The following ERICH3 variants were observed in gnomAD, a reference collection of about 807,000 sequenced individuals.
The protein encoded by ERICH3 is glutamate rich 3.
A neutral mutation model predicts 131.1 loss-of-function variants in ERICH3; 126 were observed. That is an observed-to-expected ratio of 0.96 (90% CI 0.83 to 1.11). ERICH3 has a LOEUF of 1.11. Ranked by LOEUF, ERICH3 falls within the 50% of genes most tolerant of loss-of-function variation. The pLI is 0.00. For synonymous variants in ERICH3, 695 were observed against 644.6 expected (o/e 1.08, Z -1.18); for missense variants, 2,050 against 1,810.7 (o/e 1.13, Z -2.40).
chr1:74,609,388 T>C (rs1306549013), intron 9 of ERICH3, among the ~76,000 whole-genome samples: 2 of 152,098 alleles, frequency 1.3e-5, no homozygotes, highest in African/African-American at 4.8e-5. Flanking sequence ...TAAAATTAAT[T>C]TCATTTTGAA....
chr1:74,583,412 ATAAC>A (rs1480698171), intron 12 of ERICH3, among the ~76,000 whole-genome samples: 3 of 152,178 alleles, frequency 2.0e-5, no homozygotes, highest in African/African-American at 7.2e-5. Flanking sequence ...ATTAACAACA[ATAAC>A]TAATAATAAA....
At chr1:74,584,723 ATCTC>A (rs1363312562) in intron 12 of ERICH3, among the ~76,000 whole-genome samples, 1 of 152,174 alleles carries the variant, frequency 6.6e-6, no homozygotes, top group African/African-American at 2.4e-5. Context: ...TGGCAGGCAT[ATCTC>A]TCTCCTAGAA....
Position 74,568,968 on chromosome 1 carries a change from T to G in ERICH3, c.*1490A>C, listed in dbSNP as rs1316229276. 6.6e-6 allele frequency: 1 copy of G among 152,182 alleles called. No homozygotes were observed. The highest frequency in any genetic ancestry group is 2.4e-5 in the African/African-American group (1 of 41,424). The allele number at this position is 152,182 out of a possible 1,614,324, so 9.4% of individuals were successfully genotyped here. A position where few individuals can be genotyped will look rare whatever the true frequency, so the allele number is the denominator to read the frequency against. On this transcript the variant is annotated 3_prime_UTR_variant, in exon 15 of 15. Transcript: ENST00000326665. ...GAACAATTTCCAGGTGATGCTGATG[T>G]GCTGATGCTTCTGATCAAGGGACCA...
At chr1:74,643,236 C>T (rs1646451912) in intron 3 of ERICH3, 138 bp from the exon 4 acceptor site, 2 of 611,874 alleles carry the variant, frequency 3.3e-6, no homozygotes, top group Non-Finnish European at 5.6e-6. Context: ...TCATCTGCAT[C>T]AGTGCACAAG....
intron 7 of ERICH3, 100 bp downstream of exon 7, chr1:74,631,613 A>G: frequency 1.0e-6 from 1 of 959,956 alleles, no homozygotes; most frequent in South Asian, 1.6e-5. Flanking sequence ...AACGTTTTGC[A>G]TGCAATTTCC....
intron 3 of ERICH3, among the ~76,000 whole-genome samples, chr1:74,644,191 T>A (rs1557697448): frequency 6.6e-6 from 1 of 152,054 alleles, no homozygotes; most frequent in Admixed American, 6.6e-5. Flanking sequence ...AATAATTCCC[T>A]ATCATCAATC....
At chr1:74,615,096 C>G (rs1029267732) in intron 8 of ERICH3, 7 of 152,128 alleles carry the variant, frequency 4.6e-5, no homozygotes, top group Non-Finnish European at 8.8e-5. Flanking sequence ...GGAGAGTATG[C>G]CCAGATATTA....
chr1:74,600,874 T>C (rs1412320604), intron 10 of ERICH3, among the ~76,000 whole-genome samples: 1 of 151,702 alleles, frequency 6.6e-6, no homozygotes, highest in Non-Finnish European at 1.5e-5. Context: ...ATTTTGTGTG[T>C]TTTAGTTATT....
chr1:74,582,669 CA>C (rs1387048911), intron 12 of ERICH3, among the ~76,000 whole-genome samples: 3 of 152,070 alleles, frequency 2.0e-5, no homozygotes, highest in Non-Finnish European at 2.9e-5. Flanking sequence ...TTCAGGCCAT[CA>C]CAAGTGGGAT....
At chr1:74,666,416 A>C (rs1646693424) in intron 1 of ERICH3, among the ~76,000 whole-genome samples, 1 of 152,176 alleles carries the variant, frequency 6.6e-6, no homozygotes, top group Non-Finnish European at 1.5e-5. Flanking sequence ...ATTGTCAAAA[A>C]AATTTTTAAT....
At chr1:74,662,299 G>T (rs2100654945) in intron 1 of ERICH3, among the ~76,000 whole-genome samples, 1 of 152,208 alleles carries the variant, frequency 6.6e-6, no homozygotes, top group African/African-American at 2.4e-5. Flanking sequence ...GAAGATTCCA[G>T]CATGAATTGA....
Position 74,571,279 on chromosome 1 carries a change from T to A in ERICH3, c.4431A>T (p.Gly1477=). Reference sequence around the variant, plus strand: ...ATTCCCTCTCTCCCTCCCGTGATAATCCTAATCGGAATTTTTCAGCTGCTC... The same window carrying A: ...ATTCCCTCTCTCCCTCCCGTGATAAACCTAATCGGAATTTTTCAGCTGCTC... ...ETGAAEKFRL[G]LSREGERELS... The change falls in exon 14 of 15, where the codon GGA becomes GGT. Residue 1477 remains glycine (G), a synonymous_variant. Coordinates refer to ENST00000326665, the MANE Select transcript of ERICH3 (RefSeq NM_001002912.5). The A allele has an allele frequency of 6.2e-7, 1 of 1,614,010 alleles. No individual in the cohort carries two copies. The highest frequency in any genetic ancestry group is 8.5e-7 in the Non-Finnish European group (1 of 1,179,974).
chr1:74,601,978 T>C (rs1236463592), intron 10 of ERICH3, among the ~76,000 whole-genome samples: 2 of 151,880 alleles, frequency 1.3e-5, no homozygotes, highest in East Asian at 3.9e-4. Context: ...TATGGATTAG[T>C]AGTAATCGTC....
At chr1:74,656,236 C>G (rs1427790560) in intron 1 of ERICH3, among the ~76,000 whole-genome samples, 2 of 152,258 alleles carry the variant, frequency 1.3e-5, no homozygotes, top group South Asian at 2.1e-4. Flanking sequence ...TAGCACATCC[C>G]TTTTCTCTCA....
chr1:74,612,663 A>T lies in ERICH3; in HGVS notation c.1147T>A (p.Phe383Ile), dbSNP rs2100597323. Residue 383 changes from phenylalanine to isoleucine, a missense_variant, in exon 9 of 15, where the codon TTT becomes ATT. Coordinates refer to ENST00000326665, the MANE Select transcript of ERICH3 (RefSeq NM_001002912.5). ...GATCTCTCAACACACACAAACCCAA[A>T]GTAGCCTCGTTTGCCTCCAAGCCTG... ...GSRLGGKRGY[F>I]GFVCVERSSP... 1 of 1,590,640 alleles carries T rather than the reference A, an allele frequency of 6.3e-7. No homozygotes were observed. Among genetic ancestry groups the T allele is most frequent in the Middle Eastern group, 1.7e-4 (1 of 5,960 alleles).
chr1:74,631,839 C>A lies in ERICH3; in HGVS notation c.693G>T (p.Met231Ile), dbSNP rs1416576933. Reference sequence around the variant, plus strand: ...GGGGAAGTGGAGGAGGAATAGGCATCATGTAACTGTTAATGTTTGGAAGTT... The same window carrying A: ...GGGGAAGTGGAGGAGGAATAGGCATAATGTAACTGTTAATGTTTGGAAGTT... ...SYQLPNINSY[M>I]MPIPPPLPPT... The change falls in exon 7 of 15, where the codon ATG becomes ATT. Residue 231 changes from methionine to isoleucine, a missense_variant. Met to Ile is a conservative substitution (Grantham distance 10, BLOSUM62 1). Coordinates refer to ENST00000326665, the MANE Select transcript of ERICH3 (RefSeq NM_001002912.5). 4.3e-6 allele frequency: 7 copies of A among 1,613,474 alleles called. No individual in the cohort carries two copies. Among genetic ancestry groups the A allele is most frequent in the Non-Finnish European group, 5.9e-6 (7 of 1,179,586 alleles).
At chr1:74,666,274 G>C (rs560330078) in intron 1 of ERICH3, among the ~76,000 whole-genome samples, 1 of 152,232 alleles carries the variant, frequency 6.6e-6, no homozygotes, top group South Asian at 2.1e-4. Context: ...GCAAGATCGA[G>C]TAGACCCATA....
At chr1:74,591,963 C>A (rs1045984519) in intron 11 of ERICH3, 1 of 152,088 alleles carries the variant, frequency 6.6e-6, no homozygotes, top group Admixed American at 6.6e-5. Flanking sequence ...GCAGCTAATG[C>A]AGAGTTTAAG....
chr1:74,599,928 T>A lies in ERICH3; in HGVS notation c.1493A>T (p.Tyr498Phe), dbSNP rs1279893605. The stretch of plus-strand genomic sequence containing the variant: ...CTCATCTACTTCAAAGTCTTCTTCA[T>A]ACTCTGAAATAGGAAAATCTCCACT... Reference protein sequence around the residue: ...DDQENTLKYEYEEDFEVDEEK... With the variant: ...DDQENTLKYEFEEDFEVDEEK... Residue 498 changes from tyrosine to phenylalanine, a missense_variant, in exon 11 of 15, where the codon TAT becomes TTT. Coordinates refer to ENST00000326665, the MANE Select transcript of ERICH3 (RefSeq NM_001002912.5). 6.3e-7 allele frequency: 1 copy of A among 1,597,618 alleles called. No individual in the cohort carries two copies.
Sources: gnomAD v4.1 joint callset for allele counts (sites outside exome capture counted in the v4.1 genomes callset) on GRCh38, gnomAD v4.1.1 for gene constraint, MANE v1.5 for transcripts, NCBI Gene and HGNC (gene_info 2026-07-23, HGNC 2026-07-21) for gene names.